DPP10: variants seen among roughly 807,000 people sequenced by gnomAD.
DPP10 encodes the protein inactive dipeptidyl peptidase 10.
DPP10 carries 33 observed loss-of-function variants against 120.9 expected under a neutral mutation model. The ratio of observed to expected loss-of-function variants is 0.27; its 90% CI spans 0.21 to 0.37. DPP10 has a LOEUF of 0.37. Among genes scored for constraint, DPP10 ranks in the 10% least tolerant of loss-of-function variants. DPP10 has a pLI of 1.00. For missense variants in DPP10, 816 were observed against 942.8 expected (o/e 0.87, Z 1.76); for synonymous variants, 337 against 326.1 (o/e 1.03, Z -0.36).
intron 3 of DPP10, among the ~76,000 whole-genome samples, chr2:115,479,027 G>A (rs2075268502): frequency 6.6e-6 from 1 of 152,098 alleles, no homozygotes; most frequent in Admixed American, 6.5e-5. Context: ...CAGAATTACT[G>A]TATGATCTAT....
chr2:115,174,574 C>G (rs1475643323), intron 1 of DPP10, among the ~76,000 whole-genome samples: 3 of 152,062 alleles, frequency 2.0e-5, no homozygotes, highest in Non-Finnish European at 4.4e-5. Flanking sequence ...TATGTAATAG[C>G]AAATAGTAAG....
At chr2:115,636,457 T>C (rs566181745) in intron 5 of DPP10, among the ~76,000 whole-genome samples, 2 of 152,266 alleles carry the variant, frequency 1.3e-5, no homozygotes, top group South Asian at 4.1e-4. Context: ...GGTAATGGTG[T>C]TGTGGTTATA....
At chr2:115,129,576 T>G (rs2050238563) in intron 1 of DPP10, among the ~76,000 whole-genome samples, 1 of 152,194 alleles carries the variant, frequency 6.6e-6, no homozygotes, top group Non-Finnish European at 1.5e-5. Flanking sequence ...ATCACTTATT[T>G]GTAGAATGCA....
At chr2:115,150,558 T>C (rs2051482990) in intron 1 of DPP10, among the ~76,000 whole-genome samples, 1 of 152,226 alleles carries the variant, frequency 6.6e-6, no homozygotes, top group Non-Finnish European at 1.5e-5. Context: ...ATTCTCTCCA[T>C]TTGGTTGTAC....
At chr2:115,475,926 A>G (rs775671957) in intron 3 of DPP10, among the ~76,000 whole-genome samples, 3 of 152,320 alleles carry the variant, frequency 2.0e-5, no homozygotes, top group Admixed American at 6.5e-5. Flanking sequence ...CCAACATTGT[A>G]TCTTGGAAGT....
intron 1 of DPP10, among the ~76,000 whole-genome samples, chr2:114,881,453 GTCTGTCTA>G (rs1553447162): frequency 8.9e-5 from 4 of 44,848 alleles, no homozygotes; most frequent in Admixed American, 3.1e-4. Flanking sequence ...CTGTCTGTCT[GTCTGTCTA>G]TCTATCTATC....
At chr2:115,229,414 G>T (rs1248345821) in intron 1 of DPP10, among the ~76,000 whole-genome samples, 7 of 151,898 alleles carry the variant, frequency 4.6e-5, no homozygotes, top group Non-Finnish European at 1.0e-4. Flanking sequence ...CTTTCGTTGC[G>T]CATGCTTGTT....
At chr2:115,595,039 A>G (rs1014241214) in intron 5 of DPP10, among the ~76,000 whole-genome samples, 3 of 152,140 alleles carry the variant, frequency 2.0e-5, no homozygotes, top group Non-Finnish European at 2.9e-5. Flanking sequence ...GGGACCTAAT[A>G]TCTAAAAAGC....
intron 1 of DPP10, among the ~76,000 whole-genome samples, chr2:114,863,872 A>C (rs1463396556): frequency 6.6e-6 from 1 of 152,142 alleles, no homozygotes; most frequent in Non-Finnish European, 1.5e-5. Context: ...TGAATGAATA[A>C]TTTGATAAAC....
chr2:114,471,719 A>G (rs1242933553), intron 1 of DPP10, among the ~76,000 whole-genome samples: 2 of 152,202 alleles, frequency 1.3e-5, no homozygotes, highest in Admixed American at 6.5e-5. Flanking sequence ...CCTATTGTCA[A>G]CTTAAATGGT....
intron 3 of DPP10, among the ~76,000 whole-genome samples, chr2:115,387,870 A>G (rs963100488): frequency 1.2e-4 from 19 of 152,334 alleles, no homozygotes; most frequent in African/African-American, 4.1e-4. Flanking sequence ...GCAATACACA[A>G]TTAAATCAAC....
chr2:114,672,177 G>A (rs1244060946), intron 1 of DPP10, among the ~76,000 whole-genome samples: 1 of 152,044 alleles, frequency 6.6e-6, no homozygotes, highest in African/African-American at 2.4e-5. Flanking sequence ...TAAAGCCAGG[G>A]CCCTACCCTA....
At chr2:115,508,641 A>C (rs1317308724) in intron 4 of DPP10, among the ~76,000 whole-genome samples, 1 of 152,210 alleles carries the variant, frequency 6.6e-6, no homozygotes, top group Non-Finnish European at 1.5e-5. Context: ...TCAATGGCTC[A>C]CGCCTGTAAT....
intron 1 of DPP10, among the ~76,000 whole-genome samples, chr2:114,960,577 T>A (rs962551226): frequency 2.0e-5 from 3 of 152,172 alleles, no homozygotes; most frequent in Non-Finnish European, 4.4e-5. Context: ...TAATTTTAAG[T>A]TTTTCGCTTA....
At chr2:114,594,181 G>A (rs1404700750) in intron 1 of DPP10, among the ~76,000 whole-genome samples, 1 of 151,924 alleles carries the variant, frequency 6.6e-6, no homozygotes, top group Admixed American at 6.6e-5. Flanking sequence ...AATGTGAAAA[G>A]GGGAGACTGT....
At chr2:115,806,447 T>C (rs1685981210) in intron 19 of DPP10, among the ~76,000 whole-genome samples, 1 of 152,216 alleles carries the variant, frequency 6.6e-6, no homozygotes, top group Non-Finnish European at 1.5e-5. Flanking sequence ...AAAACTCAGC[T>C]AAGGTGTAAA....
intron 1 of DPP10, among the ~76,000 whole-genome samples, chr2:115,057,990 G>T (rs1706067027): frequency 6.6e-6 from 1 of 152,204 alleles, no homozygotes; most frequent in African/African-American, 2.4e-5. Context: ...GATTGCCAAA[G>T]AACTAAGAAT....
chr2:114,708,053 C>G (rs1289201389), intron 1 of DPP10, among the ~76,000 whole-genome samples: 2 of 152,190 alleles, frequency 1.3e-5, no homozygotes, highest in Non-Finnish European at 2.9e-5. Flanking sequence ...CATACCTCTA[C>G]TACTTGCATT....
At chr2:115,160,706 A>C (rs1319573016) in intron 1 of DPP10, among the ~76,000 whole-genome samples, 1 of 152,208 alleles carries the variant, frequency 6.6e-6, no homozygotes, top group Admixed American at 6.5e-5. Flanking sequence ...AGGGAAAGCC[A>C]CGTGCACTAG....
Sources: allele counts gnomAD v4.1 joint callset (sites outside exome capture counted in the v4.1 genomes callset), GRCh38; gene constraint gnomAD v4.1.1; transcripts MANE v1.5; gene names NCBI Gene and HGNC (gene_info 2026-07-23, HGNC 2026-07-21).